The following CNTN1 variants were observed in gnomAD, a reference collection of about 807,000 sequenced individuals.
The protein encoded by CNTN1 is contactin 1.
Under a neutral mutation model 126.4 loss-of-function variants are expected in CNTN1, and 38 were observed. The ratio of observed to expected loss-of-function variants is 0.30; its 90% confidence interval spans 0.23 to 0.39. CNTN1 has a LOEUF of 0.39. Among genes scored for constraint, CNTN1 ranks in the 10% least tolerant of loss-of-function variants. The pLI is 1.00. For missense variants in CNTN1, 1,009 were observed against 1,248.4 expected, an observed-to-expected ratio of 0.81 and a Z score of 2.89; for synonymous variants, 413 against 422.6, an observed-to-expected ratio of 0.98 and a Z score of 0.28.
intron 15 of CNTN1, 36 bp from the exon 16 acceptor site, chr12:40,980,873 G>T: frequency 5.6e-6 from 9 of 1,599,122 alleles, no homozygotes; most frequent in Non-Finnish European, 7.7e-6. Flanking sequence ...TCACTAGATG[G>T]AATTCACTGA....
chr12:40,873,007 C>T (rs1021732645), intron 1 of CNTN1, among the ~76,000 whole-genome samples: 1 of 152,010 alleles, frequency 6.6e-6, no homozygotes, highest in Non-Finnish European at 1.5e-5. Context: ...GTAAGCAGCC[C>T]ATCCAGGACT....
At chr12:40,785,517 G>C (rs564958405) in intron 1 of CNTN1, among the ~76,000 whole-genome samples, 2 of 152,274 alleles carry the variant, frequency 1.3e-5, no homozygotes, top group East Asian at 1.9e-4. Context: ...GTCAGCAAAG[G>C]GTGGTGGATT....
At chr12:40,885,035 T>C (rs1223092987) in intron 1 of CNTN1, among the ~76,000 whole-genome samples, 1 of 151,916 alleles carries the variant, frequency 6.6e-6, no homozygotes, top group Non-Finnish European at 1.5e-5. Context: ...TATTGATTTT[T>C]TTCTAGCTAT....
chr12:40,852,889 G>GTTT (rs143905169), intron 1 of CNTN1, among the ~76,000 whole-genome samples: 46 of 145,592 alleles, frequency 3.2e-4, no homozygotes, highest in East Asian at 6.0e-4. Context: ...TTATTGCATA[G>GTTT]TTTTTTTTTT....
At chr12:40,698,228 ATTTTTTTTTTTT>A (rs35570862) in intron 1 of CNTN1, among the ~76,000 whole-genome samples, 2 of 69,866 alleles carry the variant, frequency 2.9e-5, no homozygotes, top group African/African-American at 5.8e-5. Flanking sequence ...CAGCCACTTA[ATTTTTTTTTTTT>A]TTTTTTTTTT....
At chr12:40,857,290 G>A (rs192852) in intron 1 of CNTN1, among the ~76,000 whole-genome samples, 55,828 of 151,926 alleles carry the variant, frequency 0.37, 10,207 homozygotes, top group Admixed American at 0.42. Flanking sequence ...TTCCAAAGGT[G>A]TTCACCAAAT....
chr12:40,743,927 A>G (rs1938056030), intron 1 of CNTN1, among the ~76,000 whole-genome samples: 1 of 152,074 alleles, frequency 6.6e-6, no homozygotes, highest in Non-Finnish European at 1.5e-5. Flanking sequence ...TGGGTTTCAC[A>G]TATATGCCAT....
chr12:40,699,279 T>C (rs368319577), intron 1 of CNTN1, among the ~76,000 whole-genome samples: 59 of 152,282 alleles, frequency 3.9e-4, no homozygotes, highest in African/African-American at 1.4e-3. Flanking sequence ...ACTAAATTAG[T>C]TTTTAGGATT....
intron 1 of CNTN1, among the ~76,000 whole-genome samples, chr12:40,747,211 G>T (rs1259621602): frequency 6.6e-6 from 1 of 151,914 alleles, no homozygotes; most frequent in Non-Finnish European, 1.5e-5. Context: ...GTTTACAAAT[G>T]AAGTAATTAT....
chr12:41,010,557 A>C (rs974116896), intron 17 of CNTN1, among the ~76,000 whole-genome samples: 1 of 152,138 alleles, frequency 6.6e-6, no homozygotes, highest in African/African-American at 2.4e-5. Flanking sequence ...AGGTTCTCCA[A>C]GATGCTATCT....
intron 1 of CNTN1, among the ~76,000 whole-genome samples, chr12:40,745,355 G>C (rs1001709546): frequency 2.0e-5 from 3 of 152,064 alleles, no homozygotes; most frequent in Non-Finnish European, 4.4e-5. Flanking sequence ...ATACATTTTA[G>C]GGGGCCATGA....
chr12:40,960,712 T>C (rs1416611417), intron 15 of CNTN1, among the ~76,000 whole-genome samples: 1 of 152,220 alleles, frequency 6.6e-6, no homozygotes, highest in Middle Eastern at 3.4e-3. Context: ...TTAGGTTCAG[T>C]ATTTTCATTT....
chr12:40,916,179 CA>C (rs1404553060), intron 3 of CNTN1, among the ~76,000 whole-genome samples: 5 of 152,122 alleles, frequency 3.3e-5, no homozygotes, highest in Admixed American at 1.3e-4. Context: ...CATTATTTAT[CA>C]AGGATTATAG....
chr12:41,029,977 T>C (rs1313566809), intron 23 of CNTN1, among the ~76,000 whole-genome samples: 2 of 151,944 alleles, frequency 1.3e-5, no homozygotes, highest in Non-Finnish European at 2.9e-5. Flanking sequence ...CATGATATAG[T>C]TTAATTATAC....
At chr12:40,852,774 A>C (rs1565833373) in intron 1 of CNTN1, among the ~76,000 whole-genome samples, 1 of 152,048 alleles carries the variant, frequency 6.6e-6, no homozygotes, top group East Asian at 1.9e-4. Context: ...TGAAAACTTT[A>C]TGTATCTCAG....
intron 1 of CNTN1, among the ~76,000 whole-genome samples, chr12:40,876,634 A>G (rs1220418660): frequency 6.6e-6 from 1 of 152,128 alleles, no homozygotes; most frequent in Non-Finnish European, 1.5e-5. Context: ...ATCTTATTCC[A>G]TTATTATTTA....
intron 1 of CNTN1, among the ~76,000 whole-genome samples, chr12:40,865,762 C>A (rs566645155): frequency 6.6e-6 from 1 of 152,068 alleles, no homozygotes; most frequent in South Asian, 2.1e-4. Flanking sequence ...TGTGAATTCT[C>A]CACTTTGTGC....
intron 1 of CNTN1, chr12:40,742,517 C>T (rs893829685): frequency 6.6e-6 from 1 of 151,298 alleles, no homozygotes; most frequent in African/African-American, 2.4e-5. Flanking sequence ...CATCTTTCTT[C>T]TTTAAGTGTA....
chr12:40,999,971 GCTAGATTA>G (rs750295041), intron 17 of CNTN1, among the ~76,000 whole-genome samples: 6 of 152,022 alleles, frequency 3.9e-5, no homozygotes, highest in Non-Finnish European at 7.4e-5. Flanking sequence ...CTCCCAAAGT[GCTAGATTA>G]CAGATGTGAG....
Sources: allele counts gnomAD v4.1 joint callset (sites outside exome capture counted in the v4.1 genomes callset), GRCh38; gene constraint gnomAD v4.1.1; transcripts MANE v1.5; gene names NCBI Gene and HGNC (gene_info 2026-07-23, HGNC 2026-07-21).